MTMR10: variants seen among roughly 807,000 people sequenced by gnomAD.
MTMR10 encodes myotubularin-related protein 10.
In MTMR10, 56 loss-of-function variants were observed where a neutral mutation model predicts 88.1. The observed-to-expected ratio is 0.64, with a 90% CI of 0.51 to 0.79. The LOEUF (loss-of-function observed/expected upper bound fraction) is 0.79, where lower values mean the gene tolerates loss of function less well. Ranked by LOEUF, MTMR10 falls within the 30% of genes least tolerant of loss-of-function variation. The probability of loss-of-function intolerance (pLI) is 0.00; values close to 1 mark genes in which losing one functional copy is unlikely to be tolerated. For missense variants in MTMR10, 883 were observed against 924.7 expected (o/e 0.95, Z 0.58); for synonymous variants, 380 against 340.9 (o/e 1.11, Z -1.26).
chr15:30,971,881 G>A (rs2063542459), intron 5 of MTMR10, among the ~76,000 whole-genome samples: 1 of 152,112 alleles, frequency 6.6e-6, no homozygotes, highest in African/African-American at 2.4e-5. Flanking sequence ...CGAGGATAAT[G>A]AGGATGAATA....
chr15:30,925,389 T>C, the MTMR10 span: 2 of 1,168,300 alleles, frequency 1.7e-6, no homozygotes, highest in South Asian at 3.0e-5. Context: ...GTGTGTTTTC[T>C]TTTAGACTCG....
the MTMR10 span, among the ~76,000 whole-genome samples, chr15:30,932,771 T>C: frequency 6.6e-6 from 1 of 150,418 alleles, no homozygotes; most frequent in Non-Finnish European, 1.5e-5. Flanking sequence ...TGGAGTGTAG[T>C]AGCGTGAGTT....
In MTMR10 at chr15:30,942,029, T is replaced by C. The variant is rs767912155; in HGVS notation, c.1775A>G (p.Lys592Arg). Reference sequence around the variant, plus strand: ...TTCTTGGTCACTGATGATTCCATTCTTTAAGGCAGACGGCATTCCTCTTAG... The same window carrying C: ...TTCTTGGTCACTGATGATTCCATTCCTTAAGGCAGACGGCATTCCTCTTAG... ...STLRGMPSAL[K>R]NGIISDQELL... Residue 592 changes from lysine to arginine, a missense_variant, in exon 16 of 16, where the codon AAG (lysine) becomes AGG (arginine). Transcript: ENST00000435680. 7 of 1,613,938 alleles carry C rather than the reference T, an allele frequency of 4.3e-6. No homozygotes were observed. Among genetic ancestry groups the C allele is most frequent in the Admixed American group, 3.3e-5 (2 of 60,006 alleles).
At chr15:30,944,591 T>A in intron 14 of MTMR10, among the ~76,000 whole-genome samples, 1 of 151,362 alleles carries the variant, frequency 6.6e-6, no homozygotes, top group Non-Finnish European at 1.5e-5. Context: ...AAAATTTTAG[T>A]TACTTGACAT....
downstream of MTMR10, chr15:30,937,290 T>TCCCC: frequency 6.3e-7 from 1 of 1,578,134 alleles, no homozygotes; most frequent in Non-Finnish European, 8.6e-7. Context: ...GGTCATACAT[T>TCCCC]AATGTAAGAT....
chr15:30,925,150 G>A, the MTMR10 span: 3 of 1,613,888 alleles, frequency 1.9e-6, no homozygotes, highest in Non-Finnish European at 2.5e-6. Context: ...TCACAGAGGG[G>A]CTGGCGGATC....
rs1327469792 is a variant in MTMR10, at chr15:30,940,465, G to T, written c.*1005C>A. ...GGAACTATGAGAGAAGGACATCTGT[G>T]CAGGTGCCCAACTCGTAACCTCATT... On this transcript the variant is annotated 3_prime_UTR_variant, in exon 16 of 16. Coordinates refer to ENST00000435680, the MANE Select transcript of MTMR10 (RefSeq NM_017762.3). 12 of 985,290 alleles carry T rather than the reference G, an allele frequency of 1.2e-5. No homozygotes were observed. The highest frequency in any genetic ancestry group is 1.7e-5 in the African/African-American group (1 of 57,220). The allele number at this position is 985,290 out of a possible 1,614,324, so 61.0% of individuals were successfully genotyped here. A position where few individuals can be genotyped will look rare whatever the true frequency, so the allele number is the denominator to read the frequency against.
At position 30,991,552 on chromosome 15, in the gene MTMR10, G is replaced by A; in HGVS notation, c.-46C>T. The A allele has an allele frequency of 6.5e-7, 1 of 1,529,112 alleles. No homozygotes were observed. Among genetic ancestry groups the A allele is most frequent in the Non-Finnish European group, 8.7e-7 (1 of 1,146,554 alleles). The allele number at this position is 1,529,112 out of a possible 1,614,324, so 94.7% of individuals were successfully genotyped here. A position where few individuals can be genotyped will look rare whatever the true frequency, so the allele number is the denominator to read the frequency against. On this transcript the variant is annotated 5_prime_UTR_variant, in exon 1 of 16. Coordinates refer to ENST00000435680, the MANE Select transcript of MTMR10 (RefSeq NM_017762.3). ...CCGTTCCCGTCGCGGGCCAGTGGCAGCGCCGACGCCTCCGGGCGTAAAGCT... is the reference window on the plus strand; with the variant it reads ...CCGTTCCCGTCGCGGGCCAGTGGCAACGCCGACGCCTCCGGGCGTAAAGCT...
rs767103425 is a variant in MTMR10, at chr15:30,991,438, G to A, written c.60+9C>T. ...GAGAGTCGGGCGCTCGCGGGGAGGG[G>A]TTGTTTACCTGGGGCGGTGGCAGGA... is the stretch of plus-strand genomic sequence containing the variant. On this transcript the variant is annotated intron_variant, in intron 1 of 15. Coordinates refer to ENST00000435680, the MANE Select transcript of MTMR10 (RefSeq NM_017762.3). 4.0e-6 allele frequency: 6 copies of A among 1,490,226 alleles called. No individual in the cohort carries two copies. The highest frequency in any genetic ancestry group is 1.5e-5 in the African/African-American group (1 of 67,564). The allele number at this position is 1,490,226 out of a possible 1,614,324, so 92.3% of individuals were successfully genotyped here.
chr15:30,941,656 C>T lies in MTMR10; in HGVS notation c.2148G>A (p.Met716Ile), dbSNP rs1286356774. ...ACYGELGQSR[M>I]YFNASGPHHT... is the part of the protein sequence containing the mutation. ...GGTGAGGGCCGCTGGCGTTGAAGTA[C>T]ATCCTGCTCTGGCCCAGCTCCCCAT... The change falls in exon 16 of 16, where the codon ATG (methionine) becomes ATA (isoleucine). Residue 716 changes from methionine to isoleucine, a missense_variant. Met to Ile is a conservative substitution (Grantham distance 10). Around this residue, in one of 3 missense-constraint regions of MTMR10, gnomAD observed 343 missense variants for 323.2 expected, o/e 1.06. Coordinates refer to ENST00000435680, the MANE Select transcript of MTMR10 (RefSeq NM_017762.3). 5 of 1,612,458 alleles carry T rather than the reference C, an allele frequency of 3.1e-6. No homozygotes were observed. The highest frequency in any genetic ancestry group is 3.4e-6 in the Non-Finnish European group (4 of 1,179,200).
At chr15:30,933,174 G>A in the MTMR10 span, among the ~76,000 whole-genome samples, 1 of 152,016 alleles carries the variant, frequency 6.6e-6, no homozygotes, top group African/African-American at 2.4e-5. Context: ...ATCAGCTTTT[G>A]GTTTCATTTG....
chr15:30,955,549 C>T (rs998097577), intron 9 of MTMR10, among the ~76,000 whole-genome samples: 5 of 151,890 alleles, frequency 3.3e-5, no homozygotes, highest in South Asian at 2.1e-4. Flanking sequence ...GGATTACAGG[C>T]GTGAGCCACC....
chr15:30,921,726 G>A, the MTMR10 span, among the ~76,000 whole-genome samples: 5 of 152,188 alleles, frequency 3.3e-5, no homozygotes, highest in African/African-American at 1.2e-4. Flanking sequence ...AGCCACAGAA[G>A]ATTAACAAAC....
the MTMR10 span, chr15:30,926,634 G>C: frequency 1.0e-6 from 1 of 985,256 alleles, no homozygotes; most frequent in Non-Finnish European, 1.2e-6. Flanking sequence ...TGGGGAAGAC[G>C]TGCAAATGCC....
At chr15:30,963,940 C>T (rs987647994) in intron 6 of MTMR10, among the ~76,000 whole-genome samples, 7 of 151,230 alleles carry the variant, frequency 4.6e-5, no homozygotes, top group African/African-American at 1.5e-4. Context: ...ACATTAAACA[C>T]GAAAAAGGCT....
At chr15:30,930,591 C>CA in the MTMR10 span, 1 of 1,612,996 alleles carries the variant, frequency 6.2e-7, no homozygotes, top group Non-Finnish European at 8.5e-7. Flanking sequence ...TGTGTGCAGG[C>CA]ACCTGGCTGC....
chr15:30,942,796 T>TTGG (rs2063097485), intron 15 of MTMR10, 94 bp downstream of exon 15: 1 of 1,293,392 alleles, frequency 7.7e-7, no homozygotes, highest in African/African-American at 1.5e-5. Flanking sequence ...AGTGTTACTC[T>TTGG]TGGAAGTGCC....
chr15:30,983,227 C>A (rs1204961282), intron 2 of MTMR10, among the ~76,000 whole-genome samples: 3 of 152,160 alleles, frequency 2.0e-5, no homozygotes, highest in Admixed American at 2.0e-4. Flanking sequence ...CAGGATGCCA[C>A]AAGGAAGCCT....
rs1566941991 is a variant in MTMR10 at position 30,941,478 on chromosome 15, C to T, written c.2326G>A (p.Glu776Lys). ...IWLSTETLANED is the reference protein window; with the variant it reads ...IWLSTETLANKD ...TCAGAAAACACCCTATTTTAGTCTT[C>T]ATTTGCTAATGTCTCAGTAGACAAC... The change falls in exon 16 of 16, where the codon GAA becomes AAA. Residue 776 changes from glutamate to lysine, a missense_variant. Glu to Lys is a moderately conservative substitution (Grantham distance 56, BLOSUM62 1). Transcript: ENST00000435680. 2 of 1,603,766 alleles carry T rather than the reference C, an allele frequency of 1.2e-6. No individual in the cohort carries two copies. The highest frequency in any genetic ancestry group is 1.7e-5 in the Admixed American group (1 of 58,730).
Sources: allele counts gnomAD v4.1 joint callset (sites outside exome capture counted in the v4.1 genomes callset), GRCh38; gene constraint gnomAD v4.1.1; regional missense constraint gnomAD v4.1.1; transcripts MANE v1.5; gene names NCBI Gene and HGNC (gene_info 2026-07-23, HGNC 2026-07-21).